The following UTP25 variants were observed in gnomAD, a reference collection of about 807,000 sequenced individuals.
The protein encoded by UTP25 is U3 small nucleolar RNA-associated protein 25 homolog.
UTP25 carries 50 observed loss-of-function variants against 78.9 expected under a neutral mutation model. The observed-to-expected ratio is 0.63, with a 90% CI of 0.50 to 0.80. UTP25 has a LOEUF of 0.80. Ranked by LOEUF, UTP25 falls within the 30% of genes least tolerant of loss-of-function variation. The pLI is 0.00. For missense variants in UTP25, 846 were observed against 911.3 expected, an observed-to-expected ratio of 0.93 and a Z score of 0.92; for synonymous variants, 329 against 336.5, an observed-to-expected ratio of 0.98 and a Z score of 0.24.
rs1572013529 is a variant in UTP25, at chr1:209,856,869, C to T, written c.*5422C>T. ...CCATAGAACGAGGGAACACAAGTGT[C>T]TTCTCATAAGATTTATAGAAACAGT... On this transcript the variant is annotated 3_prime_UTR_variant, in exon 12 of 12. Transcript: ENST00000491415. 6.6e-6 allele frequency: 1 copy of T among 152,212 alleles called. No homozygotes were observed. The highest frequency in any genetic ancestry group is 6.5e-5 in the Admixed American group (1 of 15,288). The allele number at this position is 152,212 out of a possible 1,614,324, so 9.4% of individuals were successfully genotyped here.
At chr1:209,840,631 C>T (rs553775577) in intron 7 of UTP25, among the ~76,000 whole-genome samples, 15 of 152,086 alleles carry the variant, frequency 9.9e-5, no homozygotes, top group Middle Eastern at 3.4e-3. Flanking sequence ...TTGATAGTGA[C>T]GGAAAGGAAG....
Position 209,842,614 on chromosome 1 carries a change from C to G in UTP25, c.1700C>G (p.Ser567Cys), listed in dbSNP as rs752893646. Reference sequence around the variant, plus strand: ...GTGAGGAATGTCCCAATGACAGGCTCTATCAGTCATGTCCTGGTGCAGCTC... The same window carrying G: ...GTGAGGAATGTCCCAATGACAGGCTGTATCAGTCATGTCCTGGTGCAGCTC... Reference protein sequence around the residue: ...VAVRNVPMTGSISHVLVQLPH... With the variant: ...VAVRNVPMTGCISHVLVQLPH... The change falls in exon 10 of 12, where the codon TCT becomes TGT. Residue 567 changes from serine to cysteine, a missense_variant. Transcript: ENST00000491415. 6 of 1,613,800 alleles carry G rather than the reference C, an allele frequency of 3.7e-6. No homozygotes were observed. Among genetic ancestry groups the G allele is most frequent in the Non-Finnish European group, 5.1e-6 (6 of 1,179,952 alleles).
chr1:209,846,848 T>G (rs1435151092), intron 11 of UTP25, among the ~76,000 whole-genome samples: 1 of 152,234 alleles, frequency 6.6e-6, no homozygotes, highest in African/African-American at 2.4e-5. Context: ...TGTGTGTGTT[T>G]AATATAACAC....
chr1:209,839,182 G>A (rs2102574435), intron 7 of UTP25, 54 bp downstream of exon 7: 2 of 1,447,294 alleles, frequency 1.4e-6, no homozygotes. Flanking sequence ...TACATAGCTG[G>A]AGACCAGAAG....
intron 2 of UTP25, 100 bp downstream of exon 2, chr1:209,830,247 T>G: frequency 9.2e-7 from 1 of 1,083,346 alleles, no homozygotes; most frequent in Non-Finnish European, 1.3e-6. Context: ...TCCTTTTGAT[T>G]TCAGATGCAA....
chr1:209,842,471 A>G (rs2078172735), intron 9 of UTP25, 24 bp downstream of exon 9: 1 of 1,613,966 alleles, frequency 6.2e-7, no homozygotes, highest in Non-Finnish European at 8.5e-7. Context: ...TTGTTTCCTC[A>G]GTATCTTCAT....
intron 8 of UTP25, 31 bp from the exon 9 acceptor site, chr1:209,842,234 A>G (rs974871935): frequency 6.2e-7 from 1 of 1,606,834 alleles, no homozygotes; most frequent in South Asian, 1.1e-5. Flanking sequence ...CTCTCAGTCA[A>G]CACTAATGGT....
rs1457760605 is a variant in UTP25, at chr1:209,852,964, C to T, written c.*1517C>T. The T allele has an allele frequency of 2.0e-5, 3 of 152,286 alleles. No individual in the cohort carries two copies. The highest frequency in any genetic ancestry group is 1.3e-4 in the Admixed American group (2 of 15,294). 9.4% of individuals were successfully genotyped at this position (152,286 alleles called of 1,614,324 possible). On this transcript the variant is annotated 3_prime_UTR_variant, in exon 12 of 12. Coordinates refer to ENST00000491415, the MANE Select transcript of UTP25 (RefSeq NM_014388.7). Reference sequence around the variant, plus strand: ...TGATAACTCCTTTCTCAGACAGTGGCTCCCATTATCCTCAATGTAATAACC... The same window carrying T: ...TGATAACTCCTTTCTCAGACAGTGGTTCCCATTATCCTCAATGTAATAACC...
At position 209,857,435 on chromosome 1, in the gene UTP25, A is replaced by G. The variant is rs2102590335; in HGVS notation, c.*5988A>G. On this transcript the variant is annotated 3_prime_UTR_variant, in exon 12 of 12. Transcript: ENST00000491415. ...TGAAATAGTGAAAAACAAAAATCAA[A>G]CTACATCTATTTGGTGATCATTATT... The G allele has an allele frequency of 6.6e-6, 1 of 152,258 alleles. No individual in the cohort carries two copies. The highest frequency in any genetic ancestry group is 6.5e-5 in the Admixed American group (1 of 15,288). 9.4% of individuals were successfully genotyped at this position (152,258 alleles called of 1,614,324 possible).
chr1:209,843,189 G>T (rs2078177263), intron 10 of UTP25: 1 of 504,728 alleles, frequency 2.0e-6, no homozygotes, highest in South Asian at 2.3e-5. Context: ...TGAATAGTGT[G>T]GTGTGTACTT....
chr1:209,841,539 G>A (rs2078167115), intron 8 of UTP25, among the ~76,000 whole-genome samples: 1 of 152,158 alleles, frequency 6.6e-6, no homozygotes, highest in Non-Finnish European at 1.5e-5. Context: ...ATTACCCGAT[G>A]TAATTTGTAC....
chr1:209,842,589 G>A lies in UTP25; in HGVS notation c.1675G>A (p.Val559Met), dbSNP rs1331901924. 8.7e-6 allele frequency: 14 copies of A among 1,613,638 alleles called. No homozygotes were observed. Among genetic ancestry groups the A allele is most frequent in the South Asian group, 6.6e-5 (6 of 91,006 alleles). Reference protein sequence around the residue: ...YCVNMQGQVAVRNVPMTGSIS... With the variant: ...YCVNMQGQVAMRNVPMTGSIS... Reference sequence around the variant, plus strand: ...TCTTGTTGACTACTGGCAGGTGGCCGTGAGGAATGTCCCAATGACAGGCTC... The same window carrying A: ...TCTTGTTGACTACTGGCAGGTGGCCATGAGGAATGTCCCAATGACAGGCTC... Residue 559 changes from valine (V) to methionine (M), a missense_variant, in exon 10 of 12, where the codon GTG becomes ATG. By Grantham distance (21) the Val-to-Met change is conservative (BLOSUM62 1). Coordinates refer to ENST00000491415, the MANE Select transcript of UTP25 (RefSeq NM_014388.7).
chr1:209,828,013 C>T lies in UTP25; in HGVS notation c.-51C>T. On this transcript the variant is annotated 5_prime_UTR_variant, in exon 1 of 12. Coordinates refer to ENST00000491415, the MANE Select transcript of UTP25 (RefSeq NM_014388.7). ...CGTGCTTGTGTTGACTGGACAACTT[C>T]CTGGTGGAAAACCGCGACTCTTGCA... The T allele has an allele frequency of 6.9e-7, 1 of 1,457,888 alleles. No individual in the cohort carries two copies. The allele number at this position is 1,457,888 out of a possible 1,614,324, so 90.3% of individuals were successfully genotyped here. A position where few individuals can be genotyped will look rare whatever the true frequency, so the allele number is the denominator to read the frequency against.
At position 209,842,286 on chromosome 1, in the gene UTP25, C is replaced by T. The variant is rs780192407; in HGVS notation, c.1507C>T (p.Leu503=). The change falls in exon 9 of 12, where the codon CTA becomes TTA. Residue 503 remains leucine, a synonymous_variant. Coordinates refer to ENST00000491415, the MANE Select transcript of UTP25 (RefSeq NM_014388.7). ...HVLHLMNHMN[L]LPLDSHGVDF... is the part of the protein sequence containing the mutation. ...AAAGCATTTGATGAATCACATGAAC[C>T]TACTACCCCTGGACTCACATGGGGT... 6.2e-7 allele frequency: 1 copy of T among 1,613,696 alleles called. No individual in the cohort carries two copies. The highest frequency in any genetic ancestry group is 1.1e-5 in the South Asian group (1 of 91,074).
At chr1:209,850,247 A>G (rs745940816) in intron 11 of UTP25, among the ~76,000 whole-genome samples, 3 of 152,234 alleles carry the variant, frequency 2.0e-5, no homozygotes, top group Non-Finnish European at 2.9e-5. Context: ...AGTGAGGTAG[A>G]ACAGTTTATT....
Position 209,851,610 on chromosome 1 carries a change from C to A in UTP25, c.*163C>A. 1.1e-6 allele frequency: 1 copy of A among 939,778 alleles called. No homozygotes were observed. Among genetic ancestry groups the A allele is most frequent in the Non-Finnish European group, 1.5e-6 (1 of 680,546 alleles). 58.2% of individuals were successfully genotyped at this position (939,778 alleles called of 1,614,324 possible). A position where few individuals can be genotyped will look rare whatever the true frequency, so the allele number is the denominator to read the frequency against. ...ATCTTTCTTTTCAGGTCATGTGTCC[C>A]TGAAAAGTTAAATGTAAACCAGATT... On this transcript the variant is annotated 3_prime_UTR_variant, in exon 12 of 12. Transcript: ENST00000491415.
chr1:209,833,453 A>G lies in UTP25; in HGVS notation c.562+95A>G, dbSNP rs2078114797. 7 of 1,130,408 alleles carry G rather than the reference A, an allele frequency of 6.2e-6. No homozygotes were observed. In the South Asian group the frequency reaches 1.4e-4, roughly 22 times the overall value. 70.0% of individuals were successfully genotyped at this position (1,130,408 alleles called of 1,614,324 possible). A position where few individuals can be genotyped will look rare whatever the true frequency, so the allele number is the denominator to read the frequency against. On this transcript the variant is annotated intron_variant, in intron 4 of 11. Transcript: ENST00000491415. ...TGAATCTATTATTGGAACAAACAGCAATAAAAACAGTTTAGTGGCTAGATC... is the reference window on the plus strand; with the variant it reads ...TGAATCTATTATTGGAACAAACAGCGATAAAAACAGTTTAGTGGCTAGATC...
chr1:209,843,332 T>C (rs1173509104), intron 10 of UTP25, 119 bp from the exon 11 acceptor site: 5 of 1,207,190 alleles, frequency 4.1e-6, no homozygotes, highest in South Asian at 3.1e-5. Flanking sequence ...TAAATCATAT[T>C]GGCCTCTGGG....
intron 7 of UTP25, among the ~76,000 whole-genome samples, chr1:209,839,761 T>A (rs1369676721): frequency 6.6e-6 from 1 of 152,220 alleles, no homozygotes; most frequent in African/African-American, 2.4e-5. Flanking sequence ...AAGCTGGGAA[T>A]CTACAGATAA....
Sources: gnomAD v4.1 joint callset for allele counts (sites outside exome capture counted in the v4.1 genomes callset) on GRCh38, gnomAD v4.1.1 for gene constraint, MANE v1.5 for transcripts, NCBI Gene and HGNC (gene_info 2026-07-23, HGNC 2026-07-21) for gene names.